ATXN2: variants seen among roughly 807,000 people sequenced by gnomAD.
ATXN2 encodes the protein ataxin 2, also known as ataxin-2.
ATXN2 carries 37 observed loss-of-function variants against 138.6 expected under a neutral mutation model. That is an observed-to-expected ratio of 0.27 (90% CI 0.21 to 0.35). The LOEUF is 0.35. Among genes scored for constraint, ATXN2 ranks in the 10% least tolerant of loss-of-function variants. ATXN2 has a pLI of 1.00. For missense variants in ATXN2, 1,216 were observed against 1,480.3 expected (o/e 0.82, Z 2.93); for synonymous variants, 549 against 543.7 (o/e 1.01, Z -0.13).
chr12:111,473,867 C>T (rs1020383317), intron 18 of ATXN2, among the ~76,000 whole-genome samples: 5 of 151,708 alleles, frequency 3.3e-5, no homozygotes, highest in African/African-American at 9.7e-5. Flanking sequence ...CACAGGGATA[C>T]AGTCAGCAAA....
chr12:111,567,566 C>A (rs1489773490), intron 1 of ATXN2, among the ~76,000 whole-genome samples: 2 of 151,412 alleles, frequency 1.3e-5, no homozygotes, highest in East Asian at 3.9e-4. Flanking sequence ...GTAGTCCCAG[C>A]ACTTTGGGAG....
intron 1 of ATXN2, among the ~76,000 whole-genome samples, chr12:111,568,236 G>T (rs925152408): frequency 1.3e-5 from 2 of 151,810 alleles, no homozygotes; most frequent in African/African-American, 4.8e-5. Flanking sequence ...ACTCCAGCCT[G>T]AGTGACACAG....
At chr12:111,586,395 T>G (rs1018551788) in intron 1 of ATXN2, among the ~76,000 whole-genome samples, 6 of 145,430 alleles carry the variant, frequency 4.1e-5, no homozygotes, top group South Asian at 4.5e-4. Flanking sequence ...CTGGTTTTTT[T>G]TTTTTTTTTT....
chr12:111,589,667 G>A (rs1272988611), intron 1 of ATXN2, among the ~76,000 whole-genome samples: 1 of 151,830 alleles, frequency 6.6e-6, no homozygotes, highest in African/African-American at 2.4e-5. Context: ...AGCTACTCGG[G>A]AGGCTGAGGC....
At chr12:111,558,775 T>C (rs978610162) in intron 1 of ATXN2, among the ~76,000 whole-genome samples, 1 of 152,060 alleles carries the variant, frequency 6.6e-6, no homozygotes, top group Non-Finnish European at 1.5e-5. Context: ...CCAGCATTGG[T>C]GACAGAGCAA....
intron 23 of ATXN2, chr12:111,455,283 C>T (rs1593089980): frequency 1.6e-6 from 1 of 608,512 alleles, no homozygotes; most frequent in Admixed American, 2.4e-5. Context: ...AGTGCAGCTC[C>T]TTCTCCTCAT....
At chr12:111,543,112 T>C (rs1223748670) in intron 5 of ATXN2, among the ~76,000 whole-genome samples, 2 of 152,158 alleles carry the variant, frequency 1.3e-5, no homozygotes, top group Non-Finnish European at 2.9e-5. Flanking sequence ...ATCTCAATAA[T>C]CTCTGTACTG....
In ATXN2 at chr12:111,474,148, T is replaced by C. The variant is rs147470290; in HGVS notation, c.2525-3406A>G. Reference sequence around the variant, plus strand: ...AGGTGGGAGGACCACCTAAGCCCAATTGGTAGAGACTGCACTGAGCTGAAA... The same window carrying C: ...AGGTGGGAGGACCACCTAAGCCCAACTGGTAGAGACTGCACTGAGCTGAAA... On this transcript the variant is annotated intron_variant, in intron 18 of 24. Transcript: ENST00000673436. Among the ~76,000 whole-genome samples, 173 of 152,040 alleles carry C rather than the reference T, an allele frequency of 1.1e-3. 1 individual carries two copies. The highest frequency in any genetic ancestry group is 0.011 in the East Asian group (58 of 5,156).
In ATXN2 at chr12:111,513,980, TA is replaced by T. The variant is rs1477215938; in HGVS notation, c.1376-442del. Reference sequence around the variant, plus strand: ...TGACCCGAATTTTCTACATTACTTCTAAAATTAGAAAAAAAAAATTTAAACA... The same window carrying T: ...TGACCCGAATTTTCTACATTACTTCTAAATTAGAAAAAAAAAATTTAAACA... On this transcript the variant is annotated intron_variant, in intron 10 of 24. Coordinates refer to ENST00000673436, the MANE Select transcript of ATXN2 (RefSeq NM_001372574.1). 2.0e-5 allele frequency among the ~76,000 whole-genome samples: 3 copies of T among 152,112 alleles called. No homozygotes were observed. In the East Asian group the frequency reaches 5.8e-4, roughly 29 times the overall value.
chr12:111,453,325 C>A lies in ATXN2; in HGVS notation c.3439+352G>T. 7.4e-6 allele frequency: 8 copies of A among 1,081,084 alleles called. No homozygotes were observed. Among genetic ancestry groups the A allele is most frequent in the Middle Eastern group, 4.1e-4 (1 of 2,418 alleles). 67.0% of individuals were successfully genotyped at this position (1,081,084 alleles called of 1,614,324 possible). ...AATCAAACTCTGCCATGGTAATAAC[C>A]CCCCACATGTCAGACTTTTGGGACT... On this transcript the variant is annotated intron_variant, in intron 24 of 24. Coordinates refer to ENST00000673436, the MANE Select transcript of ATXN2 (RefSeq NM_001372574.1). This position sits in a 1 kb window ranked among gnomAD's most constrained non-coding sequence, Gnocchi z 5.4.
chr12:111,538,798 A>C lies in ATXN2; in HGVS notation c.571+13482T>G, dbSNP rs537013852. Among the ~76,000 whole-genome samples, 4 of 150,568 alleles carry C rather than the reference A, an allele frequency of 2.7e-5. No homozygotes were observed. In the South Asian group the frequency reaches 8.4e-4, roughly 32 times the overall value. ...AACTAAAAAATAATAAAAAACTCAA[A>C]CTTACTAATCAGATTCCTCTGAAAG... is the stretch of plus-strand genomic sequence containing the variant. On this transcript the variant is annotated intron_variant, in intron 5 of 24. Coordinates refer to ENST00000673436, the MANE Select transcript of ATXN2 (RefSeq NM_001372574.1).
At chr12:111,520,633 C>T (rs1880106964) in intron 7 of ATXN2, among the ~76,000 whole-genome samples, 1 of 151,908 alleles carries the variant, frequency 6.6e-6, no homozygotes, top group Non-Finnish European at 1.5e-5. Context: ...CCTGGAGACA[C>T]AGCGAGATTC....
intron 1 of ATXN2, among the ~76,000 whole-genome samples, chr12:111,575,038 G>A (rs1488989491): frequency 6.6e-6 from 1 of 152,140 alleles, no homozygotes; most frequent in African/African-American, 2.4e-5. Context: ...TGCCCTGGGA[G>A]AATAAACTCA....
chr12:111,493,604 T>G (rs1478391039), intron 14 of ATXN2, among the ~76,000 whole-genome samples: 1 of 151,160 alleles, frequency 6.6e-6, no homozygotes, highest in African/African-American at 2.5e-5. Context: ...GAATAAAAAA[T>G]GAACCTTTCA....
At chr12:111,566,212 C>A (rs1201469109) in intron 1 of ATXN2, among the ~76,000 whole-genome samples, 1 of 152,038 alleles carries the variant, frequency 6.6e-6, no homozygotes, top group Non-Finnish European at 1.5e-5. Flanking sequence ...GCAGGCAGAT[C>A]ACCTGAGATC....
In ATXN2 at chr12:111,453,324, C is replaced by A. The variant is rs1186118529; in HGVS notation, c.3439+353G>T. The A allele has an allele frequency of 9.3e-7, 1 of 1,079,052 alleles. No individual in the cohort carries two copies. Among genetic ancestry groups the A allele is most frequent in the South Asian group, 3.9e-5 (1 of 25,958 alleles). The allele number at this position is 1,079,052 out of a possible 1,614,324, so 66.8% of individuals were successfully genotyped here. A position where few individuals can be genotyped will look rare whatever the true frequency, so the allele number is the denominator to read the frequency against. On this transcript the variant is annotated intron_variant, in intron 24 of 24. Coordinates refer to ENST00000673436, the MANE Select transcript of ATXN2 (RefSeq NM_001372574.1). The surrounding 1 kb of genome is among the most constrained non-coding windows in gnomAD (Gnocchi z 5.4). ...CAATCAAACTCTGCCATGGTAATAA[C>A]CCCCCACATGTCAGACTTTTGGGAC...
chr12:111,518,149 A>C, intron 9 of ATXN2, 100 bp downstream of exon 9: 2 of 1,073,600 alleles, frequency 1.9e-6, no homozygotes, highest in Non-Finnish European at 2.6e-6. Flanking sequence ...AAATCATTAA[A>C]GTGCACATTC....
chr12:111,562,735 A>AT (rs1479185608), intron 1 of ATXN2, among the ~76,000 whole-genome samples: 4 of 151,650 alleles, frequency 2.6e-5, no homozygotes, highest in Non-Finnish European at 5.9e-5. Flanking sequence ...AAAAAAAAAA[A>AT]AAAAAAAAAA....
intron 1 of ATXN2, among the ~76,000 whole-genome samples, chr12:111,562,720 C>CAAAAAAAAAAA (rs34625134): frequency 1.8e-5 from 1 of 55,980 alleles, no homozygotes; most frequent in Non-Finnish European, 4.0e-5. Flanking sequence ...AACTCCATCT[C>CAAAAAAAAAAA]AAAAAAAAAA....
Sources: allele counts gnomAD v4.1 joint callset (sites outside exome capture counted in the v4.1 genomes callset), GRCh38; gene constraint gnomAD v4.1.1; non-coding constraint Gnocchi (gnomAD v3.1); transcripts MANE v1.5; gene names NCBI Gene and HGNC (gene_info 2026-07-23, HGNC 2026-07-21).